DPP4: variants seen among roughly 807,000 people sequenced by gnomAD.
DPP4 encodes dipeptidyl peptidase 4.
In DPP4, 93 loss-of-function variants were observed where a neutral mutation model predicts 122.4. The observed-to-expected ratio is 0.76, with a 90% confidence interval of 0.64 to 0.90. The LOEUF (loss-of-function observed/expected upper bound fraction) is 0.90. Ranked by LOEUF, DPP4 falls within the 40% of genes least tolerant of loss-of-function variation. The probability of loss-of-function intolerance (pLI) is 0.00; values close to 1 mark genes in which losing one functional copy is unlikely to be tolerated. For synonymous variants in DPP4, 321 were observed against 302.9 expected (o/e 1.06, Z -0.62); for missense variants, 914 against 907.3 (o/e 1.01, Z -0.09).
At position 162,024,842 on chromosome 2, in the gene DPP4, C is replaced by G. The variant is rs199546874; in HGVS notation, c.985G>C (p.Asp329His). The change falls in exon 11 of 26, where the codon GAC (aspartate) becomes CAC (histidine). Residue 329 changes from aspartate (D) to histidine (H), a missense_variant. Transcript: ENST00000360534. ...IQNYSVMDICDYDESSGRWNC... is the reference protein window; with the variant it reads ...IQNYSVMDICHYDESSGRWNC... ...CATCTTCCACTGGATTCATCATAGT[C>G]ACAAATATCCATGACCGAATAGTTC... 19 of 1,613,892 alleles carry G rather than the reference C, an allele frequency of 1.2e-5. No homozygotes were observed. The highest frequency in any genetic ancestry group is 1.5e-5 in the Non-Finnish European group (18 of 1,180,028).
chr2:162,063,936 G>C (rs1300505251), intron 2 of DPP4, among the ~76,000 whole-genome samples: 1 of 152,114 alleles, frequency 6.6e-6, no homozygotes, highest in Non-Finnish European at 1.5e-5. Flanking sequence ...GGGACAGCTG[G>C]AGCCTAATCT....
In DPP4 at chr2:162,004,768, T is replaced by C. The variant is rs148419546; in HGVS notation, c.2052+977A>G. Among the ~76,000 whole-genome samples the C allele has an allele frequency of 4.3e-4, 66 of 152,350 alleles. 2 individuals carry two copies. The highest frequency in any genetic ancestry group is 1.5e-3 in the African/African-American group (63 of 41,590). On this transcript the variant is annotated intron_variant, in intron 23 of 25. Transcript: ENST00000360534. The stretch of plus-strand genomic sequence containing the variant: ...AGGGATGACATCTTACAAAAACATA[T>C]GGATATTGCTCAGAGCAATGTATTA...
chr2:161,998,374 G>T (rs1261015857), intron 23 of DPP4, among the ~76,000 whole-genome samples: 1 of 152,138 alleles, frequency 6.6e-6, no homozygotes, highest in Non-Finnish European at 1.5e-5. Flanking sequence ...CTCTCAGCCT[G>T]CACTGACTTC....
rs1056176925 is a variant in DPP4, at chr2:162,020,589, C to T, written c.1168G>A (p.Asp390Asn). ...GYRHICYFQIDKKDCTFITKG... is the reference protein window; with the variant it reads ...GYRHICYFQINKKDCTFITKG... Reference sequence around the variant, plus strand: ...TATGTAAGAATACTCACTTTTTTATCTATTTGGAAATAGCAAATGTGTCTG... The same window carrying T: ...TATGTAAGAATACTCACTTTTTTATTTATTTGGAAATAGCAAATGTGTCTG... The change falls in exon 13 of 26, where the codon GAT becomes AAT. Residue 390 changes from aspartate to asparagine, a missense_variant. Physicochemically the swap from Asp to Asn is conservative, Grantham distance 23. Transcript: ENST00000360534. 1 of 1,596,166 alleles carries T rather than the reference C, an allele frequency of 6.3e-7. No individual in the cohort carries two copies. Among genetic ancestry groups the T allele is most frequent in the African/African-American group, 1.4e-5 (1 of 73,798 alleles).
chr2:162,005,611 C>T (rs1701263845), intron 23 of DPP4, 134 bp downstream of exon 23: 4 of 741,134 alleles, frequency 5.4e-6, no homozygotes, highest in Non-Finnish European at 8.7e-6. Flanking sequence ...ATCTCTAAAC[C>T]ACCTGTGTTA....
At chr2:162,061,439 T>A (rs981929823) in intron 2 of DPP4, among the ~76,000 whole-genome samples, 2 of 152,370 alleles carry the variant, frequency 1.3e-5, no homozygotes, top group Admixed American at 6.5e-5. Context: ...CCTCATCTTA[T>A]TAAAATGTTT....
Position 162,038,438 on chromosome 2 carries a change from A to C in DPP4, c.493-16T>G, listed in dbSNP as rs1683866368. The C allele has an allele frequency of 3.8e-6, 6 of 1,591,890 alleles. No individual in the cohort carries two copies. Among genetic ancestry groups the C allele is most frequent in the Non-Finnish European group, 4.3e-6 (5 of 1,171,322 alleles). ...AAACATATGCCTAGAAGGAAAAAAAACAAGCATTGATATCTATAATACATG... is the reference window on the plus strand; with the variant it reads ...AAACATATGCCTAGAAGGAAAAAAACCAAGCATTGATATCTATAATACATG... On this transcript the variant is annotated splice_polypyrimidine_tract_variant and intron_variant, in intron 7 of 25. Coordinates refer to ENST00000360534, the MANE Select transcript of DPP4 (RefSeq NM_001935.4).
chr2:161,997,504 A>G (rs1353556327), intron 23 of DPP4, among the ~76,000 whole-genome samples: 1 of 152,232 alleles, frequency 6.6e-6, no homozygotes, highest in Non-Finnish European at 1.5e-5. Context: ...AATGAAATAA[A>G]TGATCAAGCA....
At chr2:162,058,026 G>T (rs1337672840) in intron 2 of DPP4, among the ~76,000 whole-genome samples, 10 of 152,142 alleles carry the variant, frequency 6.6e-5, no homozygotes, top group Admixed American at 6.5e-4. Flanking sequence ...GCCTGTCCCG[G>T]CCTCCCAAAG....
Position 162,038,387 on chromosome 2 carries a change from A to C in DPP4, c.528T>G (p.Ile176Met). Residue 176 changes from isoleucine (I) to methionine (M), a missense_variant, in exon 8 of 26, where the codon ATT becomes ATG. By Grantham distance (10) the Ile-to-Met change is conservative. Coordinates refer to ENST00000360534, the MANE Select transcript of DPP4 (RefSeq NM_001935.4). Reference sequence around the variant, plus strand: ...TTCTGTAACTTGGTAAATTTGGTTCAATTTTAACATAAATGTCATTGTTCC... The same window carrying C: ...TTCTGTAACTTGGTAAATTTGGTTCCATTTTAACATAAATGTCATTGTTCC... ...YVWNNDIYVK[I>M]EPNLPSYRIT... 6.2e-7 allele frequency: 1 copy of C among 1,609,322 alleles called. No individual in the cohort carries two copies. The highest frequency in any genetic ancestry group is 8.5e-7 in the Non-Finnish European group (1 of 1,177,490).
intron 20 of DPP4, 58 bp from the exon 21 acceptor site, chr2:162,009,353 A>G: frequency 6.7e-7 from 1 of 1,495,372 alleles, no homozygotes; most frequent in South Asian, 1.1e-5. Context: ...GAAAACTTAG[A>G]TGAGGCACAA....
At chr2:162,024,605 T>G (rs1415350630) in intron 11 of DPP4, among the ~76,000 whole-genome samples, 199 bp downstream of exon 11, 1 of 152,202 alleles carries the variant, frequency 6.6e-6, no homozygotes, top group African/African-American at 2.4e-5. Flanking sequence ...CTAGTCAGTG[T>G]AGGAGAAATA....
intron 2 of DPP4, among the ~76,000 whole-genome samples, chr2:162,066,048 G>C (rs988366072): frequency 5.3e-5 from 8 of 152,082 alleles, no homozygotes; most frequent in Non-Finnish European, 8.8e-5. Flanking sequence ...AAAGGGGAAG[G>C]CTGATCCAAT....
intron 12 of DPP4, chr2:162,021,393 A>G (rs546943144): frequency 1.3e-5 from 2 of 152,360 alleles, no homozygotes; most frequent in East Asian, 3.9e-4. Flanking sequence ...ATGCAGTTTA[A>G]GTAGAAGAGA....
At chr2:162,047,968 G>A (rs1684249006) in intron 2 of DPP4, among the ~76,000 whole-genome samples, 1 of 151,984 alleles carries the variant, frequency 6.6e-6, no homozygotes, top group South Asian at 2.1e-4. Context: ...CTGATATGTA[G>A]TTTATACTTA....
chr2:162,005,818 GA>G lies in DPP4; in HGVS notation c.1988-10del, dbSNP rs754270028. ...TTCTGTGTACACTGAGTCTGTGAAA[GA>G]AAAAAAAATAAAAAAAAGTTTAATT... On this transcript the variant is annotated splice_polypyrimidine_tract_variant and intron_variant, in intron 22 of 25. Coordinates refer to ENST00000360534, the MANE Select transcript of DPP4 (RefSeq NM_001935.4). 6.3e-5 allele frequency: 100 copies of G among 1,585,102 alleles called. No homozygotes were observed. The highest frequency in any genetic ancestry group is 3.3e-4 in the Admixed American group (19 of 57,910).
chr2:161,995,077 C>A, intron 24 of DPP4, 43 bp from the exon 25 acceptor site: 1 of 1,597,762 alleles, frequency 6.3e-7, no homozygotes, highest in East Asian at 2.2e-5. Context: ...AATAGCCACT[C>A]CAGTTTTCTG....
At chr2:162,020,115 C>A in intron 14 of DPP4, 114 bp downstream of exon 14, 1 of 864,202 alleles carries the variant, frequency 1.2e-6, no homozygotes, top group Non-Finnish European at 1.8e-6. Context: ...AAGTATTGAA[C>A]ACATTCCAAA....
At chr2:162,017,387 T>A (rs1186949102) in intron 16 of DPP4, 1 of 494,850 alleles carries the variant, frequency 2.0e-6, no homozygotes, top group Non-Finnish European at 3.6e-6. Context: ...CTCAGTAGAA[T>A]GAAGTAGGAA....
Sources: gnomAD v4.1 joint callset for allele counts (sites outside exome capture counted in the v4.1 genomes callset) on GRCh38, gnomAD v4.1.1 for gene constraint, MANE v1.5 for transcripts, NCBI Gene and HGNC (gene_info 2026-07-23, HGNC 2026-07-21) for gene names.